The following ERC1 variants were observed in gnomAD, a reference collection of about 807,000 sequenced individuals.
ERC1 encodes the protein RAB6 interacting protein 2.
A neutral mutation model predicts 132.0 loss-of-function variants in ERC1; 56 were observed. The ratio of observed to expected loss-of-function variants is 0.42; its 90% CI spans 0.34 to 0.53. ERC1 has a LOEUF of 0.53. ERC1 is among the 20% of genes least tolerant of loss of function. The probability of loss-of-function intolerance (pLI) is 0.03; values close to 1 mark genes in which losing one functional copy is unlikely to be tolerated. For missense variants in ERC1, 1,202 were observed against 1,349.9 expected (o/e 0.89, Z 1.72); for synonymous variants, 478 against 476.1 (o/e 1.00, Z -0.05).
chr12:1,445,627 C>G (rs2093284769), intron 18 of ERC1, among the ~76,000 whole-genome samples: 1 of 152,178 alleles, frequency 6.6e-6, no homozygotes, highest in Non-Finnish European at 1.5e-5. Flanking sequence ...CCACCATTTT[C>G]CTCTTCGATT....
intron 15 of ERC1, 76 bp from the exon 16 acceptor site, chr12:1,371,757 G>A: frequency 7.3e-7 from 1 of 1,362,090 alleles, no homozygotes; most frequent in South Asian, 1.5e-5. Flanking sequence ...CTCAAAATGG[G>A]GGTACTGGTA....
In ERC1 at chr12:1,019,517, A is replaced by G. The variant is rs574203558; in HGVS notation, c.-156-8231A>G. ...ATGTCATGTAGCTCTGGAAAACACT[A>G]TCATGCACTTGTGAGAGAATCACGG... On this transcript the variant is annotated intron_variant, in intron 1 of 18. Coordinates refer to ENST00000360905, the MANE Select transcript of ERC1 (RefSeq NM_178040.4). Among the ~76,000 whole-genome samples, 57 of 152,312 alleles carry G rather than the reference A, an allele frequency of 3.7e-4. No individual in the cohort carries two copies. In the South Asian group the frequency reaches 4.4e-3, roughly 12 times the overall value.
intron 7 of ERC1, among the ~76,000 whole-genome samples, chr12:1,116,832 C>G (rs571641433): frequency 6.6e-6 from 1 of 152,188 alleles, no homozygotes; most frequent in African/African-American, 2.4e-5. Flanking sequence ...CCGCCCGCCT[C>G]TGCCTCCCAA....
chr12:1,138,159 A>T (rs1292571869), intron 7 of ERC1, among the ~76,000 whole-genome samples: 16 of 75,610 alleles, frequency 2.1e-4, no homozygotes, highest in Admixed American at 5.4e-4. Context: ...TATTTACATA[A>T]TATATATAAT....
chr12:1,101,089 G>A (rs951722499), intron 3 of ERC1, among the ~76,000 whole-genome samples: 47 of 152,174 alleles, frequency 3.1e-4, no homozygotes, highest in Admixed American at 1.3e-3. Flanking sequence ...TGCTAGCAAT[G>A]TGGAGGTCGT....
intron 3 of ERC1, among the ~76,000 whole-genome samples, chr12:1,095,360 G>GTGGA (rs1331715920): frequency 6.7e-6 from 1 of 149,518 alleles, no homozygotes; most frequent in Non-Finnish European, 1.5e-5. Flanking sequence ...AACTCGGGAG[G>GTGGA]TGGAGGTTGC....
chr12:1,348,176 G>A (rs2154365364), intron 15 of ERC1, among the ~76,000 whole-genome samples: 1 of 152,304 alleles, frequency 6.6e-6, no homozygotes, highest in African/African-American at 2.4e-5. Flanking sequence ...TGATCTACCA[G>A]TGCCTCTTCC....
intron 12 of ERC1, among the ~76,000 whole-genome samples, chr12:1,205,886 A>G (rs1310500722): frequency 6.6e-6 from 1 of 152,116 alleles, no homozygotes; most frequent in Non-Finnish European, 1.5e-5. Flanking sequence ...CCTTTGCACG[A>G]CTGGTTTTGC....
chr12:1,434,327 T>C (rs997090847), intron 17 of ERC1, among the ~76,000 whole-genome samples: 6 of 151,640 alleles, frequency 4.0e-5, no homozygotes, highest in African/African-American at 1.5e-4. Context: ...AAAATAGATA[T>C]ATGAAGATTC....
chr12:1,084,507 G>T (rs1942685584), intron 3 of ERC1, among the ~76,000 whole-genome samples: 1 of 151,780 alleles, frequency 6.6e-6, no homozygotes, highest in Admixed American at 6.6e-5. Flanking sequence ...TAACAGTGAG[G>T]GCATTTTTAT....
intron 7 of ERC1, among the ~76,000 whole-genome samples, chr12:1,126,577 T>C (rs1393346554): frequency 6.6e-6 from 1 of 152,200 alleles, no homozygotes; most frequent in South Asian, 2.1e-4. Context: ...AATGTCTCCA[T>C]CAAATTTAAG....
chr12:1,400,953 T>TTTTTTTTTTTTTG lies in ERC1; in HGVS notation c.2926-7196_2926-7195insTTTTTTTTTTTTG, dbSNP rs1477365626. Among the ~76,000 whole-genome samples, 4 of 90,272 alleles carry TTTTTTTTTTTTTG rather than the reference T, an allele frequency of 4.4e-5. 1 individual carries two copies. The highest frequency in any genetic ancestry group is 9.5e-5 in the Non-Finnish European group (4 of 42,178). 59.2% of individuals were successfully genotyped at this position (90,272 alleles called of 152,430 possible). ...TTTTTTTTTTTTTTTTTTTTTTTTTTGTGACGGAGTCTTGCTCTATCGCCC... is the reference window on the plus strand; with the variant it reads ...TTTTTTTTTTTTTTTTTTTTTTTTTTTTTTTTTTTTTTGGTGACGGAGTCTTGCTCTATCGCCC... On this transcript the variant is annotated intron_variant, in intron 16 of 18. Coordinates refer to ENST00000360905, the MANE Select transcript of ERC1 (RefSeq NM_178040.4).
chr12:1,404,384 C>CAAA (rs35010065), intron 16 of ERC1, among the ~76,000 whole-genome samples: 1 of 124,130 alleles, frequency 8.1e-6, no homozygotes, highest in Admixed American at 8.3e-5. Flanking sequence ...CTACTGTTTG[C>CAAA]AAAAAAAAAA....
At chr12:1,297,141 T>A (rs2080017269) in intron 15 of ERC1, among the ~76,000 whole-genome samples, 1 of 150,944 alleles carries the variant, frequency 6.6e-6, no homozygotes, top group Non-Finnish European at 1.5e-5. Context: ...CTATGATAGC[T>A]GAGTCCTTAT....
At chr12:1,229,422 C>T (rs2074855582) in intron 12 of ERC1, among the ~76,000 whole-genome samples, 1 of 152,030 alleles carries the variant, frequency 6.6e-6, no homozygotes, top group Admixed American at 6.6e-5. Flanking sequence ...GATCCTTTGA[C>T]CCCAGAATTT....
Position 1,217,810 on chromosome 12 carries a change from C to T in ERC1, c.2352-18959C>T, listed in dbSNP as rs116641271. On this transcript the variant is annotated intron_variant, in intron 12 of 18. Transcript: ENST00000360905. ...GCAGTATAATTACTCCCTTCTAAAT[C>T]CCCTTGACTTACTTGCTTTTCTCTT... Among the ~76,000 whole-genome samples, 630 of 152,306 alleles carry T rather than the reference C, an allele frequency of 4.1e-3. 4 individuals are homozygous for T. The highest frequency in any genetic ancestry group is 6.9e-3 in the Non-Finnish European group (469 of 68,026).
chr12:1,418,621 TTCTTTCTTTCTTTCTTTCTTTCTC>T (rs1264106851), intron 17 of ERC1, among the ~76,000 whole-genome samples: 19 of 118,724 alleles, frequency 1.6e-4, no homozygotes, highest in East Asian at 1.1e-3. Context: ...CTTTCTTTCT[TTCTTTCTTTCTTTCTTTCTTTCTC>T]TCTCTCTCTC....
At chr12:1,309,869 C>G (rs2081161880) in intron 15 of ERC1, among the ~76,000 whole-genome samples, 1 of 152,072 alleles carries the variant, frequency 6.6e-6, no homozygotes, top group Non-Finnish European at 1.5e-5. Context: ...CTCAGTTACT[C>G]AGTTTCCTCG....
In ERC1 at chr12:1,263,105, T is replaced by C. The variant is rs751925343; in HGVS notation, c.2559T>C (p.Thr853=). ...EEALRESVQI[T]AEREMVLAQE... The stretch of plus-strand genomic sequence containing the variant: ...CACTAAGAGAAAGTGTACAGATAAC[T>C]GCAGAGCGGGAAATGGTGCTAGCAC... The change falls in exon 14 of 19, where the codon ACT becomes ACC. Residue 853 remains threonine, a synonymous_variant. Coordinates refer to ENST00000360905, the MANE Select transcript of ERC1 (RefSeq NM_178040.4). 17 of 1,614,048 alleles carry C rather than the reference T, an allele frequency of 1.1e-5. No individual in the cohort carries two copies. The highest frequency in any genetic ancestry group is 1.4e-5 in the Non-Finnish European group (17 of 1,179,932).
Sources: gnomAD v4.1 joint callset for allele counts (sites outside exome capture counted in the v4.1 genomes callset) on GRCh38, gnomAD v4.1.1 for gene constraint, MANE v1.5 for transcripts, NCBI Gene and HGNC (gene_info 2026-07-23, HGNC 2026-07-21) for gene names.